Variants in PRKCH observed in about 807,000 individuals in gnomAD.
The protein encoded by PRKCH is protein kinase C eta type.
In PRKCH, 28 loss-of-function variants were observed where a neutral mutation model predicts 82.5. The ratio of observed to expected loss-of-function variants is 0.34; its 90% CI spans 0.25 to 0.47. The LOEUF is 0.47. Ranked by LOEUF, PRKCH falls within the 20% of genes least tolerant of loss-of-function variation. The pLI, the probability that PRKCH is intolerant of heterozygous loss-of-function variation, is 1.00. For missense variants in PRKCH, 705 were observed against 881.8 expected, an observed-to-expected ratio of 0.80 and a Z score of 2.54; for synonymous variants, 322 against 327.4, an observed-to-expected ratio of 0.98 and a Z score of 0.18.
intron 1 of PRKCH, among the ~76,000 whole-genome samples, chr14:61,335,593 C>G (rs750420259): frequency 6.6e-6 from 1 of 152,096 alleles, no homozygotes; most frequent in Admixed American, 6.6e-5. Context: ...ACAACCCCCC[C>G]ATCTGCCAAA....
chr14:61,291,512 T>A (rs940411066), intron 1 of PRKCH, among the ~76,000 whole-genome samples: 2 of 152,124 alleles, frequency 1.3e-5, no homozygotes, highest in Admixed American at 1.3e-4. Context: ...GTATTTTTAG[T>A]AGAGACGAGG....
intron 1 of PRKCH, among the ~76,000 whole-genome samples, chr14:61,326,273 C>CA (rs1275519378): frequency 6.6e-6 from 1 of 152,202 alleles, no homozygotes; most frequent in East Asian, 1.9e-4. Context: ...AAAAGATGAA[C>CA]TATTACACAT....
At chr14:61,389,638 C>T (rs1238410735) in intron 1 of PRKCH, among the ~76,000 whole-genome samples, 1 of 151,164 alleles carries the variant, frequency 6.6e-6, no homozygotes. Context: ...GAGTTCAAGG[C>T]TGCAGTGAGC....
chr14:61,279,991 G>A, intron 1 of PRKCH: 3 of 1,039,048 alleles, frequency 2.9e-6, no homozygotes, highest in Middle Eastern at 6.2e-4. Context: ...GGGAGGAAAA[G>A]CTAGGCGAGG....
intron 1 of PRKCH, among the ~76,000 whole-genome samples, chr14:61,266,357 G>T (rs576420865): frequency 6.6e-6 from 1 of 152,318 alleles, no homozygotes; most frequent in African/African-American, 2.4e-5. Context: ...GGCAGAGGTT[G>T]CAGTGAGCTG....
At chr14:61,501,446 A>T (rs893156619) in intron 10 of PRKCH, among the ~76,000 whole-genome samples, 12 of 148,284 alleles carry the variant, frequency 8.1e-5, no homozygotes, top group African/African-American at 2.2e-4. Context: ...TAATCCCATT[A>T]AAAAAAAAAG....
chr14:61,370,362 T>C (rs1487224769), intron 1 of PRKCH, among the ~76,000 whole-genome samples: 1 of 152,120 alleles, frequency 6.6e-6, no homozygotes, highest in Non-Finnish European at 1.5e-5. Flanking sequence ...ACTACAGTGG[T>C]TGCCCAACTT....
intron 4 of PRKCH, among the ~76,000 whole-genome samples, chr14:61,448,280 G>A (rs1210729666): frequency 2.0e-5 from 3 of 152,182 alleles, no homozygotes; most frequent in African/African-American, 7.2e-5. Context: ...AAGATCTTAA[G>A]ATGATATACA....
At chr14:61,193,172 AGGGT>A (rs2044418618) in intron 1 of PRKCH, among the ~76,000 whole-genome samples, 1 of 152,246 alleles carries the variant, frequency 6.6e-6, no homozygotes. Flanking sequence ...AAAGACCTAA[AGGGT>A]GGCAGGCATT....
chr14:61,457,163 C>G lies in PRKCH; in HGVS notation c.961-13C>G. 1 of 1,613,284 alleles carries G rather than the reference C, an allele frequency of 6.2e-7. No individual in the cohort carries two copies. Among genetic ancestry groups the G allele is most frequent in the Non-Finnish European group, 8.5e-7 (1 of 1,179,558 alleles). The stretch of plus-strand genomic sequence containing the variant: ...GCTGCAATTTCTGACTTAATGTGTT[C>G]TTACTCTTTCAGAAACTCGTTTCCA... On this transcript the variant is annotated splice_polypyrimidine_tract_variant and intron_variant, in intron 7 of 13. Transcript: ENST00000332981.
intron 5 of PRKCH, among the ~76,000 whole-genome samples, chr14:61,449,719 A>G (rs535125025): frequency 3.3e-5 from 5 of 152,324 alleles, no homozygotes; most frequent in African/African-American, 1.2e-4. Context: ...AACAGGATCA[A>G]TGTTTCCCTC....
intron 1 of PRKCH, among the ~76,000 whole-genome samples, chr14:61,257,610 C>CACAT (rs2045009076): frequency 2.0e-5 from 1 of 50,202 alleles, no homozygotes; most frequent in East Asian, 6.8e-4. Context: ...CACAGACACA[C>CACAT]ACACACACAC....
At chr14:61,237,396 A>C (rs1227239460) in intron 1 of PRKCH, among the ~76,000 whole-genome samples, 1 of 151,760 alleles carries the variant, frequency 6.6e-6, no homozygotes, top group Admixed American at 6.6e-5. Flanking sequence ...TCTCTTGTGA[A>C]AAAAATCTAC....
rs1884830830 is a variant in PRKCH, at chr14:61,457,516, C to T, written c.1115C>T (p.Ala372Val). The change falls in exon 9 of 14, where the codon GCA becomes GTA. Residue 372 changes from alanine (A) to valine (V), a missense_variant. By Grantham distance (64) the Ala-to-Val change is moderately conservative. Around this residue, in one of 5 missense-constraint regions of PRKCH, gnomAD observed 238 missense variants for 258.1 expected, o/e 0.92. Coordinates refer to ENST00000332981, the MANE Select transcript of PRKCH (RefSeq NM_006255.5). ...GKGSFGKVML[A>V]RVKETGDLYA... ...TTTGCTTTGCCATAGGTGATGCTTG[C>T]AAGAGTAAAAGAAACAGGAGACCTC... is the stretch of plus-strand genomic sequence containing the variant. 1.9e-6 allele frequency: 3 copies of T among 1,613,978 alleles called. 1 individual carries two copies. Among genetic ancestry groups the T allele is most frequent in the Non-Finnish European group, 2.5e-6 (3 of 1,179,912 alleles).
At chr14:61,443,079 T>A in intron 2 of PRKCH, 32 bp from the exon 3 acceptor site, 1 of 1,599,068 alleles carries the variant, frequency 6.3e-7, no homozygotes, top group Non-Finnish European at 8.5e-7. Context: ...TCCTTACATC[T>A]TATTCTTTTT....
In PRKCH at chr14:61,457,771, A is replaced by G. The variant is rs1884846602; in HGVS notation, c.1278+92A>G. On this transcript the variant is annotated intron_variant, in intron 9 of 13. Coordinates refer to ENST00000332981, the MANE Select transcript of PRKCH (RefSeq NM_006255.5). ...TGGAGATTTCATAAAGTTGAGTATC[A>G]GAAATTTTGGGGGATGGGCTCCCAA... 6 of 1,520,446 alleles carry G rather than the reference A, an allele frequency of 3.9e-6. No homozygotes were observed. In the Admixed American group the frequency reaches 1.2e-4, roughly 30 times the overall value. 94.2% of individuals were successfully genotyped at this position (1,520,446 alleles called of 1,614,324 possible).
At chr14:61,380,417 C>G (rs1467970321) in intron 1 of PRKCH, among the ~76,000 whole-genome samples, 4 of 150,290 alleles carry the variant, frequency 2.7e-5, no homozygotes, top group African/African-American at 9.7e-5. Flanking sequence ...AGAGCAGAGT[C>G]TTGCCTGGCA....
rs139180503 is a variant in PRKCH, at chr14:61,481,161, A to G, written c.1279-4341A>G. 1.2e-3 allele frequency among the ~76,000 whole-genome samples: 181 copies of G among 152,274 alleles called. 1 individual carries two copies. In the Middle Eastern group the frequency reaches 0.027, roughly 23 times the overall value. ...CTTACTGAGAGCAGTGTGGAGTCAT[A>G]TTAGTTTTAGGAGACTGGGTCCTTA... On this transcript the variant is annotated intron_variant, in intron 9 of 13. Transcript: ENST00000332981.
chr14:61,372,395 G>A (rs545660018), intron 1 of PRKCH, among the ~76,000 whole-genome samples: 1 of 152,152 alleles, frequency 6.6e-6, no homozygotes, highest in African/African-American at 2.4e-5. Context: ...TTGAACATGA[G>A]TTCATGCTAA....
Sources: gnomAD v4.1 joint callset for allele counts (sites outside exome capture counted in the v4.1 genomes callset) on GRCh38, gnomAD v4.1.1 for gene constraint, gnomAD v4.1.1 regional missense constraint, MANE v1.5 for transcripts, NCBI Gene and HGNC (gene_info 2026-07-23, HGNC 2026-07-21) for gene names.